RUNX2: variants seen among roughly 807,000 people sequenced by gnomAD.
RUNX2 encodes the protein RUNX family transcription factor 2.
Under a neutral mutation model 51.7 loss-of-function variants are expected in RUNX2, and 10 were observed. The ratio of observed to expected loss-of-function variants is 0.19; its 90% CI spans 0.12 to 0.33. The LOEUF (loss-of-function observed/expected upper bound fraction) is 0.33, where lower values mean the gene tolerates loss of function less well. RUNX2 is among the 10% of genes least tolerant of loss of function. The probability of loss-of-function intolerance (pLI) is 1.00; values close to 1 mark genes in which losing one functional copy is unlikely to be tolerated. For synonymous variants in RUNX2, 276 were observed against 273.6 expected (o/e 1.01, Z -0.09); for missense variants, 562 against 691.3 (o/e 0.81, Z 2.10).
At chr6:45,334,632 A>G (rs1366995888) in intron 2 of RUNX2, among the ~76,000 whole-genome samples, 1 of 151,204 alleles carries the variant, frequency 6.6e-6, no homozygotes, top group African/African-American at 2.4e-5. Context: ...TACGTGTCAT[A>G]TATGTTCAAC....
chr6:45,438,447 G>T (rs1023946137), intron 5 of RUNX2, among the ~76,000 whole-genome samples: 1 of 152,166 alleles, frequency 6.6e-6, no homozygotes, highest in Non-Finnish European at 1.5e-5. Flanking sequence ...GTTTCCCATG[G>T]CCTAAGAATG....
At chr6:45,354,997 C>G (rs945979318) in intron 2 of RUNX2, among the ~76,000 whole-genome samples, 67 of 152,038 alleles carry the variant, frequency 4.4e-4, no homozygotes, top group African/African-American at 1.5e-3. Flanking sequence ...TTTTTGGAGA[C>G]AGGGTCTCAC....
At chr6:45,427,190 TA>T (rs1393708660) in intron 3 of RUNX2, among the ~76,000 whole-genome samples, 1 of 152,104 alleles carries the variant, frequency 6.6e-6, no homozygotes, top group Non-Finnish European at 1.5e-5. Flanking sequence ...TAAATACTTA[TA>T]AAATTTTTTA....
intron 6 of RUNX2, 130 bp from the exon 7 acceptor site, chr6:45,512,116 A>G: frequency 1.3e-6 from 1 of 746,692 alleles, no homozygotes; most frequent in Middle Eastern, 3.8e-4. Context: ...TTCCTTATAT[A>G]TTATATATAT....
At chr6:45,505,304 C>T (rs1381397033) in intron 6 of RUNX2, among the ~76,000 whole-genome samples, 1 of 151,966 alleles carries the variant, frequency 6.6e-6, no homozygotes, top group African/African-American at 2.4e-5. Context: ...CAAACTTACT[C>T]ATTCAGAAGA....
intron 2 of RUNX2, among the ~76,000 whole-genome samples, chr6:45,397,666 G>C (rs1332238875): frequency 6.6e-6 from 1 of 152,018 alleles, no homozygotes; most frequent in Non-Finnish European, 1.5e-5. Flanking sequence ...TGGTATATTA[G>C]CCATTTTTAC....
intron 2 of RUNX2, among the ~76,000 whole-genome samples, chr6:45,393,948 G>A (rs1260614132): frequency 5.4e-5 from 8 of 147,786 alleles, no homozygotes; most frequent in African/African-American, 1.0e-4. Flanking sequence ...TTTTGAGACC[G>A]AGTCTCACTC....
intron 2 of RUNX2, among the ~76,000 whole-genome samples, chr6:45,355,796 G>A (rs572513130): frequency 5.8e-4 from 89 of 152,220 alleles, no homozygotes; most frequent in African/African-American, 2.1e-3. Context: ...ACTTAGAAAT[G>A]GGTTGTATTC....
At chr6:45,333,485 G>A (rs1214683915) in intron 2 of RUNX2, among the ~76,000 whole-genome samples, 1 of 151,430 alleles carries the variant, frequency 6.6e-6, no homozygotes, top group Non-Finnish European at 1.5e-5. Flanking sequence ...TAAGGGCATA[G>A]GACTCAAGAT....
At chr6:45,543,971 G>A (rs1214926104) in intron 7 of RUNX2, among the ~76,000 whole-genome samples, 1 of 150,600 alleles carries the variant, frequency 6.6e-6, no homozygotes, top group Non-Finnish European at 1.5e-5. Context: ...TATGGTACTA[G>A]AGCAAATTGT....
chr6:45,342,203 CTT>C (rs1298102973), intron 2 of RUNX2, among the ~76,000 whole-genome samples: 4 of 151,960 alleles, frequency 2.6e-5, no homozygotes, highest in Non-Finnish European at 5.9e-5. Flanking sequence ...AATGAGTTCT[CTT>C]TGTCACTACA....
intron 2 of RUNX2, among the ~76,000 whole-genome samples, chr6:45,337,821 T>C (rs1788905807): frequency 1.3e-5 from 2 of 151,990 alleles, no homozygotes; most frequent in South Asian, 4.1e-4. Context: ...ATTAAATAAT[T>C]CTTTTTGCGA....
At chr6:45,388,249 C>G (rs1409843030) in intron 2 of RUNX2, among the ~76,000 whole-genome samples, 1 of 152,110 alleles carries the variant, frequency 6.6e-6, no homozygotes, top group Non-Finnish European at 1.5e-5. Flanking sequence ...ACCTAATGAT[C>G]CCAGTTTTTT....
rs1447618743 is a variant in RUNX2 at position 45,352,900 on chromosome 6, T to C, written c.58+24116T>C. On this transcript the variant is annotated intron_variant, in intron 2 of 8. Coordinates refer to ENST00000647337, the MANE Select transcript of RUNX2 (RefSeq NM_001024630.4). ...TAAACTGGTCATTTATTTCCAGCTA[T>C]GACTACCATTCAAAATTAAGACAAT... 6.6e-5 allele frequency among the ~76,000 whole-genome samples: 10 copies of C among 152,128 alleles called. No homozygotes were observed. In the East Asian group the frequency reaches 1.7e-3, roughly 26 times the overall value.
chr6:45,328,790 T>TGTTA lies in RUNX2; in HGVS notation c.58+7_58+10dup. Reference sequence around the variant, plus strand: ...TCAGCAAAACTTCTTTTGGGGTAAGTGTTACCATTTTTAAAATCCTGTAAG... The same window carrying TGTTA: ...TCAGCAAAACTTCTTTTGGGGTAAGTGTTAGTTACCATTTTTAAAATCCTGTAAG... On this transcript the variant is annotated splice_region_variant and intron_variant, in intron 2 of 8. Coordinates refer to ENST00000647337, the MANE Select transcript of RUNX2 (RefSeq NM_001024630.4). 3 of 1,611,770 alleles carry TGTTA rather than the reference T, an allele frequency of 1.9e-6. No homozygotes were observed. The highest frequency in any genetic ancestry group is 8.5e-7 in the Non-Finnish European group (1 of 1,178,386).
chr6:45,476,184 A>T (rs1317649553), intron 5 of RUNX2, among the ~76,000 whole-genome samples: 1 of 152,154 alleles, frequency 6.6e-6, no homozygotes, highest in Admixed American at 6.5e-5. Flanking sequence ...TTACTTTCTG[A>T]TAGACAACAG....
At chr6:45,536,017 G>A (rs1802022286) in intron 7 of RUNX2, among the ~76,000 whole-genome samples, 1 of 151,948 alleles carries the variant, frequency 6.6e-6, no homozygotes, top group Non-Finnish European at 1.5e-5. Context: ...GAGCGAAAAA[G>A]CCTGACGTGA....
chr6:45,525,303 G>T (rs1288462704), intron 7 of RUNX2, among the ~76,000 whole-genome samples: 2 of 152,134 alleles, frequency 1.3e-5, no homozygotes, highest in African/African-American at 2.4e-5. Context: ...TTTTGAATTG[G>T]GTCTTGCCTC....
rs2150456773 is a variant in RUNX2, at chr6:45,549,956, C to T, written c.*2651C>T. On this transcript the variant is annotated 3_prime_UTR_variant, in exon 9 of 9. Coordinates refer to ENST00000647337, the MANE Select transcript of RUNX2 (RefSeq NM_001024630.4). ...TAATTCACATTTCTTAGAACAAATT[C>T]TGCCCTTTTTTGGTCTAGGGATTAA... is the stretch of plus-strand genomic sequence containing the variant. 1 of 152,100 alleles carries T rather than the reference C, an allele frequency of 6.6e-6. No individual in the cohort carries two copies. Among genetic ancestry groups the T allele is most frequent in the Non-Finnish European group, 1.5e-5 (1 of 67,928 alleles). The allele number at this position is 152,100 out of a possible 1,614,324, so 9.4% of individuals were successfully genotyped here.
Sources: gnomAD v4.1 joint callset for allele counts (sites outside exome capture counted in the v4.1 genomes callset) on GRCh38, gnomAD v4.1.1 for gene constraint, MANE v1.5 for transcripts, NCBI Gene and HGNC (gene_info 2026-07-23, HGNC 2026-07-21) for gene names.